NRTN: variants seen among roughly 807,000 people sequenced by gnomAD.
The protein encoded by NRTN is prepro-neurturin.
Under a neutral mutation model 7.5 loss-of-function variants are expected in NRTN, and 3 were observed. The observed-to-expected ratio is 0.40, with a 90% CI of 0.18 to 1.03. The LOEUF (loss-of-function observed/expected upper bound fraction) is 1.03, where lower values mean the gene tolerates loss of function less well. Among genes scored for constraint, NRTN ranks in the 50% least tolerant of loss-of-function variants. The pLI is 0.34. For synonymous variants in NRTN, 157 were observed against 146.6 expected (o/e 1.07, Z -0.51); for missense variants, 310 against 307.0 (o/e 1.01, Z -0.07).
chr19:5,812,452 TG>T (rs2056993235), intron 1 of NRTN, among the ~76,000 whole-genome samples: 1 of 152,190 alleles, frequency 6.6e-6, no homozygotes, highest in Non-Finnish European at 1.5e-5. Context: ...AAGGGGCGGC[TG>T]GGGGTGTCTG....
chr19:5,818,134 T>C (rs1460895707), intron 1 of NRTN, among the ~76,000 whole-genome samples: 1 of 152,048 alleles, frequency 6.6e-6, no homozygotes, highest in Non-Finnish European at 1.5e-5. Flanking sequence ...CGGCTAATTT[T>C]TGTATTTTTA....
intron 2 of NRTN, among the ~76,000 whole-genome samples, chr19:5,826,158 T>C (rs528143208): frequency 6.6e-6 from 1 of 152,064 alleles, no homozygotes; most frequent in South Asian, 2.1e-4. Context: ...AGATTATTCA[T>C]TGTTTATATG....
chr19:5,808,837 G>A (rs2056981482), intron 1 of NRTN, among the ~76,000 whole-genome samples: 1 of 148,802 alleles, frequency 6.7e-6, no homozygotes. Flanking sequence ...CTCACTGCAA[G>A]CTCCGCCTCC....
intron 1 of NRTN, among the ~76,000 whole-genome samples, chr19:5,808,022 G>A (rs752438459): frequency 2.0e-5 from 3 of 152,192 alleles, no homozygotes; most frequent in Non-Finnish European, 2.9e-5. Context: ...GGTCGAGGCC[G>A]CTGTGAGCTG....
chr19:5,810,990 T>A (rs60386129), intron 1 of NRTN, among the ~76,000 whole-genome samples: 11,414 of 151,038 alleles, frequency 0.076, 1,431 homozygotes, highest in African/African-American at 0.26. Context: ...TAATCCCAGC[T>A]CTTTGGGAGT....
At chr19:5,813,930 C>A (rs1366757116) in intron 1 of NRTN, among the ~76,000 whole-genome samples, 1 of 152,016 alleles carries the variant, frequency 6.6e-6, no homozygotes, top group African/African-American at 2.4e-5. Flanking sequence ...ATGGCTTGAA[C>A]CTGAGAAGCA....
chr19:5,809,195 C>T (rs1301306067), intron 1 of NRTN, among the ~76,000 whole-genome samples: 6 of 144,980 alleles, frequency 4.1e-5, no homozygotes, highest in Non-Finnish European at 7.5e-5. Context: ...TTTTCTGAGA[C>T]GGTGTTGCTC....
rs56907812 is a variant in NRTN at position 5,807,540 on chromosome 19, A to G, written c.-399+2089A>G. On this transcript the variant is annotated intron_variant, in intron 1 of 2. Transcript: ENST00000303212. ...AAGGAAGCCTGAAGAAAGAGTGGAT[A>G]TGAATGGGGCATGCCTGCAGGAAGG... is the stretch of plus-strand genomic sequence containing the variant. Among the ~76,000 whole-genome samples the G allele has an allele frequency of 2.6e-3, 394 of 152,192 alleles. 4 individuals carry two copies. The highest frequency in any genetic ancestry group is 9.2e-3 in the African/African-American group (383 of 41,530).
In NRTN at chr19:5,827,895, C is replaced by CGCGAGCTGGAGGTGCGCGTGA; in HGVS notation, c.326_346dup (p.Glu109_Leu115dup). 1 of 1,396,552 alleles carries CGCGAGCTGGAGGTGCGCGTGA rather than the reference C, an allele frequency of 7.2e-7. No individual in the cohort carries two copies. The highest frequency in any genetic ancestry group is 1.6e-5 in the South Asian group (1 of 62,322). 86.5% of individuals were successfully genotyped at this position (1,396,552 alleles called of 1,614,324 possible). On this transcript the variant is annotated inframe_insertion, in exon 3 of 3. Coordinates refer to ENST00000303212, the MANE Select transcript of NRTN (RefSeq NM_004558.5). ...GTTGGGGGCGCGGCCTTGCGGGCTG[C>CGCGAGCTGGAGGTGCGCGTGA]GCGAGCTGGAGGTGCGCGTGAGCGA...
At chr19:5,805,666 T>G (rs1312753273) in intron 1 of NRTN, among the ~76,000 whole-genome samples, 4 of 151,118 alleles carry the variant, frequency 2.6e-5, no homozygotes, top group Non-Finnish European at 5.9e-5. Context: ...CCTAAGCGGC[T>G]CTCCAAGCCC....
rs1257527024 is a variant in NRTN at position 5,828,017 on chromosome 19, ACGACTGCGCCAG to A, written c.441_452del (p.Leu148_Arg151del). The A allele has an allele frequency of 4.2e-6, 6 of 1,432,558 alleles. No homozygotes were observed. Among genetic ancestry groups the A allele is most frequent in the Non-Finnish European group, 4.5e-6 (5 of 1,101,000 alleles). The allele number at this position is 1,432,558 out of a possible 1,614,324, so 88.7% of individuals were successfully genotyped here. A position where few individuals can be genotyped will look rare whatever the true frequency, so the allele number is the denominator to read the frequency against. ...CGCGCGTCTACGACCTCGGGCTGCG[ACGACTGCGCCAG>A]CGGCGGCGCCTGCGGCGGGAGCGGG... On this transcript the variant is annotated inframe_deletion, in exon 3 of 3. Transcript: ENST00000303212.
chr19:5,808,496 G>A (rs1343098820), intron 1 of NRTN, among the ~76,000 whole-genome samples: 4 of 152,170 alleles, frequency 2.6e-5, no homozygotes, highest in Admixed American at 1.3e-4. Context: ...GCACACACAC[G>A]CTCCCTAGCC....
rs768535625 is a variant in NRTN at position 5,823,780 on chromosome 19, C to T, written c.-386C>T. ...CCTGGCTCCTCAGCTGCAGCCGCTC[C>T]GGCCTCCTTGCTGTTCCTGGGATAC... is the stretch of plus-strand genomic sequence containing the variant. On this transcript the variant is annotated 5_prime_UTR_variant, in exon 2 of 3. Transcript: ENST00000303212. 1.1e-5 allele frequency: 4 copies of T among 360,306 alleles called. No homozygotes were observed. The highest frequency in any genetic ancestry group is 2.7e-5 in the South Asian group (1 of 37,630). The allele number at this position is 360,306 out of a possible 1,614,324, so 22.3% of individuals were successfully genotyped here.
rs184587169 is a variant in NRTN at position 5,828,263 on chromosome 19, C to A, written c.*90C>A. ...CGCGAAAGACTGCGCGTGCGTAGAGCACGCCGGCGCGGCCCCGGGACTCTC... is the reference window on the plus strand; with the variant it reads ...CGCGAAAGACTGCGCGTGCGTAGAGAACGCCGGCGCGGCCCCGGGACTCTC... On this transcript the variant is annotated 3_prime_UTR_variant, in exon 3 of 3. Coordinates refer to ENST00000303212, the MANE Select transcript of NRTN (RefSeq NM_004558.5). 2 of 1,389,042 alleles carry A rather than the reference C, an allele frequency of 1.4e-6. No individual in the cohort carries two copies. 86.0% of individuals were successfully genotyped at this position (1,389,042 alleles called of 1,614,324 possible).
At chr19:5,810,154 C>T (rs1004170037) in intron 1 of NRTN, among the ~76,000 whole-genome samples, 1 of 151,008 alleles carries the variant, frequency 6.6e-6, no homozygotes, top group Admixed American at 6.6e-5. Flanking sequence ...GTAGTCCCAG[C>T]TACTCGGGAG....
chr19:5,807,094 G>A (rs549588979), intron 1 of NRTN, among the ~76,000 whole-genome samples: 2 of 152,266 alleles, frequency 1.3e-5, no homozygotes, highest in Middle Eastern at 3.4e-3. Flanking sequence ...CAGAGGTGGG[G>A]CTGTGAAGGA....
chr19:5,808,644 C>G (rs1010263835), intron 1 of NRTN, among the ~76,000 whole-genome samples: 41 of 152,164 alleles, frequency 2.7e-4, no homozygotes, highest in African/African-American at 9.2e-4. Flanking sequence ...TGTCCCCTGG[C>G]TCCTGGCACT....
chr19:5,815,360 T>C (rs940634767), intron 1 of NRTN, among the ~76,000 whole-genome samples: 2 of 151,658 alleles, frequency 1.3e-5, no homozygotes, highest in African/African-American at 4.9e-5. Context: ...TGTGTGTGTG[T>C]GCAAACACCA....
chr19:5,809,974 A>AT (rs979652237), intron 1 of NRTN, among the ~76,000 whole-genome samples: 12 of 151,278 alleles, frequency 7.9e-5, no homozygotes, highest in African/African-American at 1.9e-4. Flanking sequence ...AATTAAAAAC[A>AT]TTTTTTTTTG....
Sources: gnomAD v4.1 joint callset for allele counts (sites outside exome capture counted in the v4.1 genomes callset) on GRCh38, gnomAD v4.1.1 for gene constraint, MANE v1.5 for transcripts, NCBI Gene and HGNC (gene_info 2026-07-23, HGNC 2026-07-21) for gene names.